The following FNBP1 variants were observed in gnomAD, a reference collection of about 807,000 sequenced individuals.
FNBP1 encodes the protein formin-binding protein 1.
FNBP1 carries 26 observed loss-of-function variants against 90.6 expected under a neutral mutation model. The ratio of observed to expected loss-of-function variants is 0.29; its 90% confidence interval spans 0.21 to 0.40. The LOEUF (loss-of-function observed/expected upper bound fraction) is 0.40. FNBP1 is among the 10% of genes least tolerant of loss of function. The probability of loss-of-function intolerance (pLI) is 1.00; values close to 1 mark genes in which losing one functional copy is unlikely to be tolerated. For synonymous variants in FNBP1, 260 were observed against 265.2 expected (o/e 0.98, Z 0.19); for missense variants, 635 against 768.0 (o/e 0.83, Z 2.05).
intron 15 of FNBP1, among the ~76,000 whole-genome samples, chr9:129,897,963 G>T (rs975178794): frequency 6.6e-6 from 1 of 152,078 alleles, no homozygotes. Context: ...CCGAGTAGCT[G>T]GGATTACAGG....
chr9:129,919,984 C>G (rs527887316), intron 10 of FNBP1, among the ~76,000 whole-genome samples: 1 of 152,272 alleles, frequency 6.6e-6, no homozygotes, highest in African/African-American at 2.4e-5. Context: ...GCTTTTTGAG[C>G]TTGTGCTTCC....
chr9:129,952,643 C>T (rs577601364), intron 6 of FNBP1, among the ~76,000 whole-genome samples: 1 of 152,140 alleles, frequency 6.6e-6, no homozygotes, highest in Admixed American at 6.6e-5. Flanking sequence ...TGGTTTACAT[C>T]AGGTAAAATA....
In FNBP1 at chr9:129,890,816, G is replaced by T. The variant is rs943379703; in HGVS notation, c.1847-270C>A. On this transcript the variant is annotated intron_variant, in intron 16 of 16. Coordinates refer to ENST00000446176, the MANE Select transcript of FNBP1 (RefSeq NM_015033.3). This position sits in a 1 kb window ranked among gnomAD's most constrained non-coding sequence, Gnocchi z 5.8. Reference sequence around the variant, plus strand: ...AAACAGGAGACTGATGAGGCCATCCGCCCCAACTCGTCTTTCTCATAAGTT... The same window carrying T: ...AAACAGGAGACTGATGAGGCCATCCTCCCCAACTCGTCTTTCTCATAAGTT... Among the ~76,000 whole-genome samples the T allele has an allele frequency of 6.6e-6, 1 of 152,166 alleles. No individual in the cohort carries two copies. Among genetic ancestry groups the T allele is most frequent in the Admixed American group, 6.5e-5 (1 of 15,280 alleles).
chr9:130,047,592 A>C (rs1180452774), upstream of FNBP1, among the ~76,000 whole-genome samples: 2 of 152,154 alleles, frequency 1.3e-5, no homozygotes, highest in East Asian at 3.9e-4. Context: ...TAGCCTGGGC[A>C]ACAGAGCGAG....
intron 4 of FNBP1, 148 bp downstream of exon 4, chr9:129,978,317 C>CCA (rs1307423516): frequency 1.4e-6 from 1 of 694,360 alleles, no homozygotes; most frequent in African/African-American, 1.8e-5. Context: ...CCGTGCCCAG[C>CCA]TGGGGTCCAT....
intron 4 of FNBP1, among the ~76,000 whole-genome samples, chr9:129,967,982 C>CTTT (rs781442852): frequency 7.1e-6 from 1 of 140,234 alleles, no homozygotes. Context: ...AGCTGGAAAA[C>CTTT]TTTTTTTTTT....
chr9:129,992,943 A>T (rs1352314046), intron 2 of FNBP1, among the ~76,000 whole-genome samples: 5 of 149,282 alleles, frequency 3.3e-5, no homozygotes, highest in African/African-American at 1.2e-4. Flanking sequence ...AAAAGAAAAA[A>T]GGGCTGGGCA....
At chr9:129,949,639 T>C (rs1280461503) in intron 6 of FNBP1, among the ~76,000 whole-genome samples, 2 of 151,716 alleles carry the variant, frequency 1.3e-5, no homozygotes, top group Admixed American at 6.6e-5. Flanking sequence ...GGTGTGAGGA[T>C]AGCTTGAGCC....
intron 15 of FNBP1, among the ~76,000 whole-genome samples, chr9:129,899,311 C>A (rs956909023): frequency 6.6e-6 from 1 of 152,088 alleles, no homozygotes. Context: ...CTCCTGGCCT[C>A]AAGTGACCTG....
At chr9:129,954,666 A>G (rs1030649951) in intron 6 of FNBP1, among the ~76,000 whole-genome samples, 2 of 152,194 alleles carry the variant, frequency 1.3e-5, no homozygotes, top group Non-Finnish European at 2.9e-5. Flanking sequence ...TTGGCAACAC[A>G]GGAAAAGGAA....
In FNBP1 at chr9:129,923,141, A is replaced by T. The variant is rs78577032; in HGVS notation, c.1170+703T>A. On this transcript the variant is annotated intron_variant, in intron 10 of 16. Transcript: ENST00000446176. The stretch of plus-strand genomic sequence containing the variant: ...GCCTCCTAAAGTGCTAGGATTACAG[A>T]TGTGAACTATCACGCCCAGTCTCAG... Among the ~76,000 whole-genome samples, 3 of 152,082 alleles carry T rather than the reference A, an allele frequency of 2.0e-5. No homozygotes were observed. The South Asian group carries it at 6.2e-4, about 31-fold the overall frequency.
chr9:130,009,404 A>G (rs2056236608), intron 1 of FNBP1, among the ~76,000 whole-genome samples: 1 of 152,146 alleles, frequency 6.6e-6, no homozygotes, highest in African/African-American at 2.4e-5. Flanking sequence ...GCTCACGCCT[A>G]TAATCCTGGC....
rs1477285702 is a variant in FNBP1 at position 129,890,098 on chromosome 9, G to A, written c.*441C>T. 6 of 281,482 alleles carry A rather than the reference G, an allele frequency of 2.1e-5. No homozygotes were observed. The highest frequency in any genetic ancestry group is 4.0e-5 in the Non-Finnish European group (6 of 148,556). The allele number at this position is 281,482 out of a possible 1,614,324, so 17.4% of individuals were successfully genotyped here. ...GGATGACATCGACACGGATGACATCGAGTGCTCAGTCCGCCTGATGTGCGC... is the reference window on the plus strand; with the variant it reads ...GGATGACATCGACACGGATGACATCAAGTGCTCAGTCCGCCTGATGTGCGC... On this transcript the variant is annotated 3_prime_UTR_variant, in exon 17 of 17. Transcript: ENST00000446176. This position sits in a 1 kb window ranked among gnomAD's most constrained non-coding sequence, Gnocchi z 5.8.
chr9:130,019,459 C>G (rs1359396122), intron 1 of FNBP1, among the ~76,000 whole-genome samples: 2 of 152,038 alleles, frequency 1.3e-5, no homozygotes, highest in African/African-American at 4.8e-5. Flanking sequence ...ATGAAAGATA[C>G]AACTTTGGAG....
chr9:129,962,304 C>T (rs79296592), intron 4 of FNBP1, among the ~76,000 whole-genome samples: 1,886 of 152,358 alleles, frequency 0.012, 16 homozygotes, highest in Middle Eastern at 0.02. Context: ...TTCCTAAACT[C>T]TATCCGCCAC....
chr9:130,053,793 A>C, the FNBP1 span: 4 of 769,518 alleles, frequency 5.2e-6, no homozygotes, highest in Admixed American at 1.1e-4. Flanking sequence ...ACGACTTCCT[A>C]GGTCGCAATC....
At position 129,895,884 on chromosome 9, in the gene FNBP1, A is replaced by G. The variant is rs1232378821; in HGVS notation, c.1800T>C (p.Tyr600=). The change falls in exon 16 of 17, where the codon TAT becomes TAC. Residue 600 remains tyrosine (Y), a synonymous_variant. Coordinates refer to ENST00000446176, the MANE Select transcript of FNBP1 (RefSeq NM_015033.3). ...RIRRNEDEEG[Y]VPTSYVEVCL... ...AGACTTCGACATATGAAGTGGGGACATAACCCTCTTCATCTTCATTTCTCC... is the reference window on the plus strand; with the variant it reads ...AGACTTCGACATATGAAGTGGGGACGTAACCCTCTTCATCTTCATTTCTCC... The G allele has an allele frequency of 6.2e-7, 1 of 1,613,692 alleles. No homozygotes were observed. Among genetic ancestry groups the G allele is most frequent in the Admixed American group, 1.7e-5 (1 of 59,994 alleles).
chr9:129,994,416 G>C (rs2053675158), intron 2 of FNBP1, among the ~76,000 whole-genome samples: 1 of 151,780 alleles, frequency 6.6e-6, no homozygotes, highest in African/African-American at 2.4e-5. Context: ...GGGGAGAGTG[G>C]GGAGCTGGAG....
At chr9:130,003,076 A>T (rs984884296) in intron 1 of FNBP1, among the ~76,000 whole-genome samples, 1 of 152,228 alleles carries the variant, frequency 6.6e-6, no homozygotes, top group Non-Finnish European at 1.5e-5. Flanking sequence ...ATTAAGTTAC[A>T]ATAAGCATGG....
Sources: gnomAD v4.1 joint callset for allele counts (sites outside exome capture counted in the v4.1 genomes callset) on GRCh38, gnomAD v4.1.1 for gene constraint, Gnocchi (gnomAD v3.1) non-coding constraint, MANE v1.5 for transcripts, NCBI Gene and HGNC (gene_info 2026-07-23, HGNC 2026-07-21) for gene names.